TSC22D3: variants seen among roughly 807,000 people sequenced by gnomAD.
The protein encoded by TSC22D3 is TSC22 domain family protein 3.
In TSC22D3, 4 loss-of-function variants were observed where a neutral mutation model predicts 11.1. The observed-to-expected ratio is 0.36, with a 90% CI of 0.18 to 0.83. The LOEUF is 0.83. Ranked by LOEUF, TSC22D3 falls within the 40% of genes least tolerant of loss-of-function variation. The probability of loss-of-function intolerance (pLI) is 0.48; values close to 1 mark genes in which losing one functional copy is unlikely to be tolerated. For synonymous variants in TSC22D3, 77 were observed against 70.3 expected, an observed-to-expected ratio of 1.10 and a Z score of -0.48; for missense variants, 118 against 159.4, an observed-to-expected ratio of 0.74 and a Z score of 1.40.
chrX:107,763,739 T>G (rs1929545394), intron 1 of TSC22D3, among the ~76,000 whole-genome samples: 1 of 111,934 alleles, frequency 8.9e-6, no homozygotes, highest in South Asian at 3.7e-4. Flanking sequence ...CAAAAACAAA[T>G]TTTCCTTCCC....
intron 1 of TSC22D3, among the ~76,000 whole-genome samples, chrX:107,752,380 C>G (rs1928970927): frequency 8.9e-6 from 1 of 111,993 alleles, no homozygotes; most frequent in African/African-American, 3.3e-5. Context: ...GAGGAGGAAC[C>G]AGGTCTGGAG....
intron 1 of TSC22D3, among the ~76,000 whole-genome samples, chrX:107,752,789 G>A (rs1928993391): frequency 8.9e-6 from 1 of 111,838 alleles, no homozygotes. Context: ...GTTGCCAAGG[G>A]AGCTGGTCCG....
chrX:107,716,284 AGCCG>A (rs758486691), intron 1 of TSC22D3: 50 of 925,116 alleles, frequency 5.4e-5, no homozygotes, highest in Non-Finnish European at 6.4e-5. Flanking sequence ...AGTCCCCCAC[AGCCG>A]GCCTACAAGG....
intron 1 of TSC22D3, chrX:107,717,071 T>G: frequency 1.0e-6 from 1 of 956,455 alleles, no homozygotes. Flanking sequence ...TCGGAGATAT[T>G]TTGGCTCCTG....
chrX:107,730,188 G>A (rs188058967), intron 1 of TSC22D3, among the ~76,000 whole-genome samples: 5 of 112,352 alleles, frequency 4.5e-5, no homozygotes, highest in East Asian at 2.8e-4. Flanking sequence ...AGGAAACTGA[G>A]GCTCAGAGAG....
In TSC22D3 at chrX:107,716,128, G is replaced by A. The variant is rs756295541; in HGVS notation, c.321-178C>T. 3 of 624,173 alleles carry A rather than the reference G, an allele frequency of 4.8e-6. No individual in the cohort carries two copies. In the African/African-American group the frequency reaches 6.8e-5, roughly 14 times the overall value. The allele number at this position is 624,173 out of a possible 1,213,427, so 51.4% of individuals were successfully genotyped here. A position where few individuals can be genotyped will look rare whatever the true frequency, so the allele number is the denominator to read the frequency against. On this transcript the variant is annotated intron_variant, in intron 1 of 2. Transcript: ENST00000372383. ...GATCCTTCCTTGGCCCCTGCAGGAA[G>A]CTGCATCTCCTCATCCAGGCCGGCT...
intron 1 of TSC22D3, among the ~76,000 whole-genome samples, chrX:107,730,648 C>G (rs1044965959): frequency 1.8e-5 from 2 of 112,000 alleles, no homozygotes; most frequent in African/African-American, 6.5e-5. Context: ...TACAAACTAC[C>G]AGACACCAGG....
Position 107,749,737 on chromosome X carries a change from G to A in TSC22D3, c.320+25363C>T, listed in dbSNP as rs146396820. On this transcript the variant is annotated intron_variant, in intron 1 of 2. Transcript: ENST00000372383. ...TGAGATCACTCCAGTGGCACACACT[G>A]TAATTGGGAGTGTTGAGCAGGAGCC... Among the ~76,000 whole-genome samples the A allele has an allele frequency of 5.1e-3, 577 of 112,262 alleles. 8 individuals carry two copies. The highest frequency in any genetic ancestry group is 0.018 in the African/African-American group (548 of 30,884).
chrX:107,746,333 C>T (rs771775310), intron 1 of TSC22D3, among the ~76,000 whole-genome samples: 2 of 111,752 alleles, frequency 1.8e-5, no homozygotes, highest in East Asian at 2.8e-4. Flanking sequence ...GGGGCCAAGA[C>T]GGTTCTCCCA....
chrX:107,751,096 T>C (rs1350966954), intron 1 of TSC22D3, among the ~76,000 whole-genome samples: 2 of 112,101 alleles, frequency 1.8e-5, no homozygotes, highest in Non-Finnish European at 3.8e-5. Flanking sequence ...ACATGTTTGC[T>C]GTGCCAAGGC....
chrX:107,757,141 T>C (rs1190842751), intron 1 of TSC22D3, among the ~76,000 whole-genome samples: 1 of 112,811 alleles, frequency 8.9e-6, no homozygotes, highest in African/African-American at 3.2e-5. Flanking sequence ...GTGGCTTGTA[T>C]GTAGATTGCC....
At chrX:107,716,503 G>C in intron 1 of TSC22D3, 1 of 1,022,771 alleles carries the variant, frequency 9.8e-7, no homozygotes, top group Non-Finnish European at 1.2e-6. Context: ...GGGACGCTTC[G>C]ATGACGGATC....
chrX:107,720,434 G>A (rs1257862605), intron 1 of TSC22D3, among the ~76,000 whole-genome samples: 1 of 112,422 alleles, frequency 8.9e-6, no homozygotes, highest in Non-Finnish European at 1.9e-5. Flanking sequence ...GCTCACGCCT[G>A]TAATCTCAGC....
At chrX:107,750,261 G>A (rs758330811) in intron 1 of TSC22D3, among the ~76,000 whole-genome samples, 3 of 106,369 alleles carry the variant, frequency 2.8e-5, no homozygotes, top group African/African-American at 6.9e-5. Context: ...TTTTGGTGGT[G>A]TGGCGGAGTG....
At chrX:107,770,231 T>C (rs1046482938) in intron 1 of TSC22D3, among the ~76,000 whole-genome samples, 1 of 112,025 alleles carries the variant, frequency 8.9e-6, no homozygotes, top group African/African-American at 3.3e-5. Context: ...AGAGGAATTT[T>C]AGATGGTACA....
At chrX:107,769,693 A>G (rs1343719165) in intron 1 of TSC22D3, among the ~76,000 whole-genome samples, 1 of 104,822 alleles carries the variant, frequency 9.5e-6, no homozygotes, top group Non-Finnish European at 1.9e-5. Context: ...ATATGCATAT[A>G]ATACATCTCT....
chrX:107,757,525 C>G, intron 1 of TSC22D3, among the ~76,000 whole-genome samples: 1 of 112,414 alleles, frequency 8.9e-6, no homozygotes, highest in East Asian at 2.8e-4. Flanking sequence ...ACACTACAAA[C>G]TTTAAAAGAA....
In TSC22D3 at chrX:107,714,062, G is replaced by GTCTCT. The variant is rs1926877026; in HGVS notation, c.*456_*457insAGAGA. The GTCTCT allele has an allele frequency of 8.4e-6, 1 of 119,625 alleles. No homozygotes were observed. The highest frequency in any genetic ancestry group is 3.2e-5 in the African/African-American group (1 of 31,092). 9.9% of individuals were successfully genotyped at this position (119,625 alleles called of 1,213,427 possible). On this transcript the variant is annotated 3_prime_UTR_variant, in exon 3 of 3. Transcript: ENST00000372383. ...GTGTCCCCTGCCTTCACGAAACAGA[G>GTCTCT]GAGAAGAGAGAGGTTGCCTCTGCTT...
At chrX:107,731,992 G>A (rs150319748) in intron 1 of TSC22D3, among the ~76,000 whole-genome samples, 1,649 of 111,195 alleles carry the variant, frequency 0.015, 13 homozygotes, top group Non-Finnish European at 0.024. Context: ...TGGGTGTCTG[G>A]GCTGAGGTAG....
Sources: gnomAD v4.1 joint callset for allele counts (sites outside exome capture counted in the v4.1 genomes callset) on GRCh38, gnomAD v4.1.1 for gene constraint, MANE v1.5 for transcripts, NCBI Gene and HGNC (gene_info 2026-07-23, HGNC 2026-07-21) for gene names.